Variants in ROR2 observed in about 807,000 individuals in gnomAD.
ROR2 encodes tyrosine-protein kinase transmembrane receptor ROR2.
ROR2 carries 33 observed loss-of-function variants against 74.9 expected under a neutral mutation model. The ratio of observed to expected loss-of-function variants is 0.44; its 90% CI spans 0.33 to 0.59. The LOEUF (loss-of-function observed/expected upper bound fraction) is 0.59, where lower values mean the gene tolerates loss of function less well. ROR2 is among the 20% of genes least tolerant of loss of function. ROR2 has a pLI of 0.02. For synonymous variants in ROR2, 586 were observed against 558.7 expected (o/e 1.05, Z -0.69); for missense variants, 1,216 against 1,313.8 (o/e 0.93, Z 1.15).
At chr9:91,728,371 G>A (rs1837114670) in intron 7 of ROR2, among the ~76,000 whole-genome samples, 3 of 152,098 alleles carry the variant, frequency 2.0e-5, no homozygotes, top group Admixed American at 2.0e-4. Context: ...GTTTTATATG[G>A]TTTTCTTAAT....
intron 1 of ROR2, among the ~76,000 whole-genome samples, chr9:91,910,058 T>G (rs543191002): frequency 2.0e-5 from 3 of 151,634 alleles, no homozygotes; most frequent in Non-Finnish European, 2.9e-5. Flanking sequence ...GATGGGGTTT[T>G]GCCATATTGG....
chr9:91,857,066 C>T (rs1829314305), intron 1 of ROR2, among the ~76,000 whole-genome samples: 1 of 152,236 alleles, frequency 6.6e-6, no homozygotes, highest in African/African-American at 2.4e-5. Context: ...AACCCCTTCA[C>T]CAGGTGCCCA....
At chr9:91,887,838 CTGGAGTGCAGTGG>C (rs1184984316) in intron 1 of ROR2, among the ~76,000 whole-genome samples, 5 of 130,828 alleles carry the variant, frequency 3.8e-5, no homozygotes, top group Non-Finnish European at 4.6e-5. Flanking sequence ...GTCGCCCAGG[CTGGAGTGCAGTGG>C]TGCCATCACA....
chr9:91,827,642 C>T (rs1158611232), intron 1 of ROR2, among the ~76,000 whole-genome samples: 12 of 152,116 alleles, frequency 7.9e-5, no homozygotes. Context: ...TGGCCCAAAA[C>T]GTTCCCTCAA....
rs1470382617 is a variant in ROR2, at chr9:91,905,168, C to T, written c.97+44699G>A. On this transcript the variant is annotated intron_variant, in intron 1 of 8. Transcript: ENST00000375708. The surrounding 1 kb of genome is among the most constrained non-coding windows in gnomAD (Gnocchi z 5.3). ...AATATCACACATGCAAGACACACCACACAACACATACCATACACAACACAT... is the reference window on the plus strand; with the variant it reads ...AATATCACACATGCAAGACACACCATACAACACATACCATACACAACACAT... Among the ~76,000 whole-genome samples, 2 of 151,768 alleles carry T rather than the reference C, an allele frequency of 1.3e-5. No homozygotes were observed. The highest frequency in any genetic ancestry group is 2.9e-5 in the Non-Finnish European group (2 of 67,944).
intron 2 of ROR2, among the ~76,000 whole-genome samples, chr9:91,768,644 G>T (rs929919379): frequency 5.3e-5 from 8 of 152,292 alleles, no homozygotes; most frequent in Admixed American, 4.6e-4. Flanking sequence ...GCTACCCCTG[G>T]GAGAAAGACA....
intron 1 of ROR2, among the ~76,000 whole-genome samples, chr9:91,842,325 C>G (rs1485440453): frequency 1.3e-5 from 2 of 152,206 alleles, no homozygotes; most frequent in African/African-American, 2.4e-5. Context: ...AGATTAGGAA[C>G]AGCCAACACA....
At chr9:91,742,679 T>C (rs972458556) in intron 4 of ROR2, among the ~76,000 whole-genome samples, 1 of 152,182 alleles carries the variant, frequency 6.6e-6, no homozygotes, top group African/African-American at 2.4e-5. Flanking sequence ...GTCATAACAC[T>C]GTAGTGCAAT....
chr9:91,938,451 C>A (rs1831759232), intron 1 of ROR2, among the ~76,000 whole-genome samples: 1 of 151,934 alleles, frequency 6.6e-6, no homozygotes. Context: ...GAGTGACACT[C>A]CATCTCAAAA....
Position 91,932,015 on chromosome 9 carries a change from T to C in ROR2, c.97+17852A>G, listed in dbSNP as rs902898128. Reference sequence around the variant, plus strand: ...AATTAAAAGTGAGATAAAAACTGAATTTTCCAGAAATAACACCAATCTATC... The same window carrying C: ...AATTAAAAGTGAGATAAAAACTGAACTTTCCAGAAATAACACCAATCTATC... On this transcript the variant is annotated intron_variant, in intron 1 of 8. Coordinates refer to ENST00000375708, the MANE Select transcript of ROR2 (RefSeq NM_004560.4). Among the ~76,000 whole-genome samples, 4 of 152,266 alleles carry C rather than the reference T, an allele frequency of 2.6e-5. No individual in the cohort carries two copies. The East Asian group carries it at 5.8e-4, about 22-fold the overall frequency.
At chr9:91,818,109 C>A (rs1828006064) in intron 1 of ROR2, among the ~76,000 whole-genome samples, 1 of 152,178 alleles carries the variant, frequency 6.6e-6, no homozygotes, top group Admixed American at 6.5e-5. Flanking sequence ...CTTGTGGCAA[C>A]TTTAAAGAAT....
At position 91,762,940 on chromosome 9, in the gene ROR2, A is replaced by G. The variant is rs1449337343; in HGVS notation, c.176-5381T>C. On this transcript the variant is annotated intron_variant, in intron 2 of 8. Coordinates refer to ENST00000375708, the MANE Select transcript of ROR2 (RefSeq NM_004560.4). The stretch of plus-strand genomic sequence containing the variant: ...GCATATACAAGAGTCTCTCAAAAGT[A>G]CATACATGACTGGATAAAGAAAATG... 2.0e-5 allele frequency among the ~76,000 whole-genome samples: 3 copies of G among 152,340 alleles called. No homozygotes were observed. The East Asian group carries it at 5.8e-4, about 29-fold the overall frequency.
In ROR2 at chr9:91,918,715, G is replaced by A. The variant is rs534410158; in HGVS notation, c.97+31152C>T. Among the ~76,000 whole-genome samples, 106 of 152,250 alleles carry A rather than the reference G, an allele frequency of 7.0e-4. 1 individual carries two copies. The Middle Eastern group carries it at 0.017, about 24-fold the overall frequency. Reference sequence around the variant, plus strand: ...ACGCTCCGAAAAGCTGAATTGTATTGGCTTGTGGATTCTATCTCTTAATTT... The same window carrying A: ...ACGCTCCGAAAAGCTGAATTGTATTAGCTTGTGGATTCTATCTCTTAATTT... On this transcript the variant is annotated intron_variant, in intron 1 of 8. Coordinates refer to ENST00000375708, the MANE Select transcript of ROR2 (RefSeq NM_004560.4).
intron 1 of ROR2, among the ~76,000 whole-genome samples, chr9:91,782,405 A>C (rs1826647687): frequency 6.6e-6 from 1 of 152,072 alleles, no homozygotes; most frequent in African/African-American, 2.4e-5. Context: ...AAAAGAAAAA[A>C]AAAACACCCT....
At chr9:91,894,150 C>G (rs1193031745) in intron 1 of ROR2, among the ~76,000 whole-genome samples, 1 of 152,200 alleles carries the variant, frequency 6.6e-6, no homozygotes, top group East Asian at 1.9e-4. Context: ...GCACCCACCT[C>G]TAGGTTCACT....
At chr9:91,756,460 A>AG (rs1825753613) in intron 3 of ROR2, among the ~76,000 whole-genome samples, 1 of 152,140 alleles carries the variant, frequency 6.6e-6, no homozygotes, top group African/African-American at 2.4e-5. Flanking sequence ...GGTGGGATGA[A>AG]GGGGGACACA....
At chr9:91,819,555 T>A (rs552985169) in intron 1 of ROR2, among the ~76,000 whole-genome samples, 2 of 151,530 alleles carry the variant, frequency 1.3e-5, no homozygotes, top group Non-Finnish European at 2.9e-5. Context: ...GTGTGTATCT[T>A]TGTGTGTGTC....
intron 1 of ROR2, among the ~76,000 whole-genome samples, chr9:91,830,067 C>T (rs1345017183): frequency 1.3e-5 from 2 of 152,142 alleles, no homozygotes; most frequent in Admixed American, 6.5e-5. Context: ...ATATCTAATT[C>T]AACAAAAATT....
intron 2 of ROR2, among the ~76,000 whole-genome samples, chr9:91,768,550 A>G (rs920561666): frequency 6.6e-5 from 10 of 152,230 alleles, no homozygotes; most frequent in Non-Finnish European, 1.3e-4. Context: ...AGGAAGAACA[A>G]TAGCCACTGA....
Sources: gnomAD v4.1 joint callset for allele counts (sites outside exome capture counted in the v4.1 genomes callset) on GRCh38, gnomAD v4.1.1 for gene constraint, Gnocchi (gnomAD v3.1) non-coding constraint, MANE v1.5 for transcripts, NCBI Gene and HGNC (gene_info 2026-07-23, HGNC 2026-07-21) for gene names.